Variants in SAMD8 observed in about 807,000 individuals in gnomAD.
SAMD8 encodes sterile alpha motif domain containing 8, also known as sphingomyelin synthase-related protein 1.
In SAMD8, 20 loss-of-function variants were observed where a neutral mutation model predicts 42.0. That is an observed-to-expected ratio of 0.48 (90% confidence interval 0.34 to 0.69). The LOEUF (loss-of-function observed/expected upper bound fraction) is 0.69. Among genes scored for constraint, SAMD8 ranks in the 30% least tolerant of loss-of-function variants. SAMD8 has a pLI of 0.01. For missense variants in SAMD8, 328 were observed against 511.6 expected, an observed-to-expected ratio of 0.64 and a Z score of 3.46; for synonymous variants, 162 against 173.0, an observed-to-expected ratio of 0.94 and a Z score of 0.50.
At chr10:75,150,095 CATAT>C (rs772610432) in intron 1 of SAMD8, among the ~76,000 whole-genome samples, 1 of 146,788 alleles carries the variant, frequency 6.8e-6, no homozygotes. Context: ...TCTCTCTCTA[CATAT>C]ATATATATAT....
At chr10:75,122,798 A>G (rs1164132620) in intron 1 of SAMD8, among the ~76,000 whole-genome samples, 1 of 152,062 alleles carries the variant, frequency 6.6e-6, no homozygotes, top group African/African-American at 2.4e-5. Flanking sequence ...GTTTTCTGAC[A>G]ATTTGTATTA....
At chr10:75,130,872 G>A (rs1849260467) in intron 1 of SAMD8, among the ~76,000 whole-genome samples, 1 of 152,150 alleles carries the variant, frequency 6.6e-6, no homozygotes, top group Non-Finnish European at 1.5e-5. Flanking sequence ...CCTCATAAAA[G>A]TGTTGTGAGG....
chr10:75,174,073 T>C (rs990577489), intron 4 of SAMD8, among the ~76,000 whole-genome samples: 1 of 152,212 alleles, frequency 6.6e-6, no homozygotes, highest in Non-Finnish European at 1.5e-5. Flanking sequence ...AATTGTATTA[T>C]TATAATAATA....
chr10:75,148,172 C>A (rs1826609395), intron 1 of SAMD8, among the ~76,000 whole-genome samples: 1 of 152,088 alleles, frequency 6.6e-6, no homozygotes, highest in South Asian at 2.1e-4. Flanking sequence ...GTTTAACTGA[C>A]ACTTCCCTGA....
intron 2 of SAMD8, among the ~76,000 whole-genome samples, chr10:75,160,805 C>T (rs893369843): frequency 6.6e-6 from 1 of 152,098 alleles, no homozygotes; most frequent in African/African-American, 2.4e-5. Flanking sequence ...CAGAAAGTAC[C>T]AAGCATCACT....
chr10:75,168,631 A>G lies in SAMD8; in HGVS notation c.765A>G (p.Pro255=), dbSNP rs1344312206. 1 of 1,613,066 alleles carries G rather than the reference A, an allele frequency of 6.2e-7. No individual in the cohort carries two copies. The highest frequency in any genetic ancestry group is 8.5e-7 in the Non-Finnish European group (1 of 1,179,166). ...FTMFVTSLSV[P]GQHLQCTGKI... ...TGTTTGTGACCTCCCTCTCCGTGCC[A>G]GGACAACACCTGCAGTGTACTGGAA... Residue 255 remains proline (P), a synonymous_variant, in exon 4 of 6, where the codon CCA becomes CCG. Coordinates refer to ENST00000542569, the MANE Select transcript of SAMD8 (RefSeq NM_001174156.2).
chr10:75,164,531 A>G, intron 2 of SAMD8, 114 bp from the exon 3 acceptor site: 1 of 1,455,884 alleles, frequency 6.9e-7, no homozygotes, highest in Middle Eastern at 1.8e-4. Context: ...TCTGTAAGAG[A>G]TAAGTTATAT....
intron 1 of SAMD8, among the ~76,000 whole-genome samples, chr10:75,135,596 C>T (rs926633796): frequency 2.0e-5 from 3 of 151,910 alleles, no homozygotes; most frequent in South Asian, 4.1e-4. Context: ...GAGGCCGAGG[C>T]GGGTGGATCA....
At chr10:75,107,477 G>C (rs1192803251), upstream of SAMD8, among the ~76,000 whole-genome samples, 1 of 152,218 alleles carries the variant, frequency 6.6e-6, no homozygotes, top group Non-Finnish European at 1.5e-5. Context: ...TCAGCCTCAG[G>C]GTTGCTCCTA....
Position 75,176,889 on chromosome 10 carries a change from A to G in SAMD8, c.*197A>G. The G allele has an allele frequency of 1.9e-6, 1 of 530,174 alleles. No homozygotes were observed. Among genetic ancestry groups the G allele is most frequent in the Non-Finnish European group, 3.3e-6 (1 of 304,016 alleles). 32.8% of individuals were successfully genotyped at this position (530,174 alleles called of 1,614,324 possible). A position where few individuals can be genotyped will look rare whatever the true frequency, so the allele number is the denominator to read the frequency against. On this transcript the variant is annotated 3_prime_UTR_variant, in exon 6 of 6. Transcript: ENST00000542569. This position sits in a 1 kb window ranked among gnomAD's most constrained non-coding sequence, Gnocchi z 4.3. ...AGTCCTTATGTAGCTATTTGAACAG[A>G]AAGCTTAAGTAGATGTTTTCTGCCC...
intron 4 of SAMD8, among the ~76,000 whole-genome samples, chr10:75,170,361 A>G (rs986129777): frequency 6.6e-5 from 10 of 152,314 alleles, no homozygotes; most frequent in Middle Eastern, 6.8e-3. Context: ...TGAAATGCCA[A>G]CAAGGGAAGA....
Position 75,171,160 on chromosome 10 carries a change from CTTTTTTT to C in SAMD8, c.792+2520_792+2526del, listed in dbSNP as rs1003923090. Among the ~76,000 whole-genome samples, 45 of 68,516 alleles carry C rather than the reference CTTTTTTT, an allele frequency of 6.6e-4. No homozygotes were observed. The South Asian group carries it at 8.9e-3, about 14-fold the overall frequency. 44.9% of individuals were successfully genotyped at this position (68,516 alleles called of 152,430 possible). On this transcript the variant is annotated intron_variant, in intron 4 of 5. Transcript: ENST00000542569. ...TCCTTTTCTTTCTTTCTTTCTTTTTCTTTTTTTTTTTTTTTTTTTTTTTTGAGATGGA... is the reference window on the plus strand; with the variant it reads ...TCCTTTTCTTTCTTTCTTTCTTTTTCTTTTTTTTTTTTTTTTTGAGATGGA...
At chr10:75,136,804 T>C (rs7079694) in intron 1 of SAMD8, among the ~76,000 whole-genome samples, 81,803 of 151,992 alleles carry the variant, frequency 0.54, 23,469 homozygotes, top group East Asian at 0.9. Flanking sequence ...TACAAAGGTC[T>C]AGTAAGCATA....
chr10:75,172,725 T>C (rs1840899124), intron 4 of SAMD8, among the ~76,000 whole-genome samples: 1 of 152,100 alleles, frequency 6.6e-6, no homozygotes, highest in Non-Finnish European at 1.5e-5. Flanking sequence ...CTTGAACTCC[T>C]GACCCCATGA....
chr10:75,165,588 A>G (rs1300155748), intron 3 of SAMD8, among the ~76,000 whole-genome samples: 1 of 151,434 alleles, frequency 6.6e-6, no homozygotes, highest in Non-Finnish European at 1.5e-5. Flanking sequence ...GGAGAATGGC[A>G]TGAACCCAGG....
intron 1 of SAMD8, among the ~76,000 whole-genome samples, chr10:75,140,933 A>G (rs763750905): frequency 6.6e-6 from 1 of 152,194 alleles, no homozygotes; most frequent in Non-Finnish European, 1.5e-5. Context: ...TGTTTTCAGC[A>G]TATAGGTCTT....
chr10:75,172,370 C>T (rs1840888763), intron 4 of SAMD8, among the ~76,000 whole-genome samples: 1 of 151,986 alleles, frequency 6.6e-6, no homozygotes, highest in Non-Finnish European at 1.5e-5. Flanking sequence ...CTCGCTTTGT[C>T]ACCCAGGCTA....
At chr10:75,135,629 T>C (rs1054326970) in intron 1 of SAMD8, among the ~76,000 whole-genome samples, 2 of 151,706 alleles carry the variant, frequency 1.3e-5, no homozygotes, top group Non-Finnish European at 2.9e-5. Context: ...ATCGAGACCA[T>C]CCTGGCTAAC....
At chr10:75,144,759 G>GTGAC (rs1321265488) in intron 1 of SAMD8, among the ~76,000 whole-genome samples, 1 of 152,064 alleles carries the variant, frequency 6.6e-6, no homozygotes, top group African/African-American at 2.4e-5. Flanking sequence ...CTGGGCTTAG[G>GTGAC]TGACCTTCTT....
Sources: gnomAD v4.1 joint callset for allele counts (sites outside exome capture counted in the v4.1 genomes callset) on GRCh38, gnomAD v4.1.1 for gene constraint, Gnocchi (gnomAD v3.1) non-coding constraint, MANE v1.5 for transcripts, NCBI Gene and HGNC (gene_info 2026-07-23, HGNC 2026-07-21) for gene names.